Variants in RBP4 observed in about 807,000 individuals in gnomAD.
RBP4 encodes the protein retinol binding protein 4, also known as retinol-binding protein 4.
Under a neutral mutation model 26.2 loss-of-function variants are expected in RBP4, and 9 were observed. The observed-to-expected ratio is 0.34, with a 90% CI of 0.21 to 0.60. The LOEUF is 0.60. Ranked by LOEUF, RBP4 falls within the 20% of genes least tolerant of loss-of-function variation. RBP4 has a pLI of 0.80. For missense variants in RBP4, 244 were observed against 271.3 expected, an observed-to-expected ratio of 0.90 and a Z score of 0.71; for synonymous variants, 114 against 111.0, an observed-to-expected ratio of 1.03 and a Z score of -0.17.
chr10:93,594,105 C>T (rs1359977424), intron 4 of RBP4, 70 bp from the exon 5 acceptor site: 109 of 1,446,660 alleles, frequency 7.5e-5, no homozygotes, highest in South Asian at 5.8e-4. Context: ...GAGAAACTCA[C>T]GACCAGGCCT....
intron 4 of RBP4, among the ~76,000 whole-genome samples, chr10:93,596,593 A>G (rs766312976): frequency 3.9e-5 from 6 of 152,208 alleles, no homozygotes; most frequent in African/African-American, 1.4e-4. Context: ...CGTTGGAGGC[A>G]GTGGCTGTGT....
chr10:93,596,935 CT>C (rs2058306550), intron 4 of RBP4, among the ~76,000 whole-genome samples: 1 of 152,204 alleles, frequency 6.6e-6, no homozygotes, highest in Non-Finnish European at 1.5e-5. Flanking sequence ...AATGCTATTT[CT>C]GATGCATTGT....
chr10:93,601,412 C>T, upstream of RBP4: 4 of 1,272,810 alleles, frequency 3.1e-6, no homozygotes, highest in Non-Finnish European at 4.0e-6. Flanking sequence ...ACCTCCAGGA[C>T]AGCCTCGGGC....
intron 4 of RBP4, among the ~76,000 whole-genome samples, chr10:93,597,722 G>A (rs953799009): frequency 6.6e-6 from 1 of 152,200 alleles, no homozygotes; most frequent in African/African-American, 2.4e-5. Flanking sequence ...CAAATTTCAT[G>A]ATCGCTTGGC....
chr10:93,591,854 T>C lies in RBP4; in HGVS notation c.*221A>G. The C allele has an allele frequency of 1.7e-6, 1 of 579,556 alleles. No homozygotes were observed. Among genetic ancestry groups the C allele is most frequent in the Non-Finnish European group, 3.1e-6 (1 of 326,142 alleles). The allele number at this position is 579,556 out of a possible 1,614,324, so 35.9% of individuals were successfully genotyped here. A position where few individuals can be genotyped will look rare whatever the true frequency, so the allele number is the denominator to read the frequency against. ...ACTAAAATCACAGGACACGGGTGACTATAGTTTAATGAATCAGAGTCTGGA... is the reference window on the plus strand; with the variant it reads ...ACTAAAATCACAGGACACGGGTGACCATAGTTTAATGAATCAGAGTCTGGA... On this transcript the variant is annotated 3_prime_UTR_variant, in exon 6 of 6. Coordinates refer to ENST00000371464, the MANE Select transcript of RBP4 (RefSeq NM_006744.4).
upstream of RBP4, chr10:93,601,288 G>T (rs983259135): frequency 8.2e-7 from 1 of 1,216,114 alleles, no homozygotes; most frequent in Non-Finnish European, 1.0e-6. Context: ...AGGGGGTCGC[G>T]CTTTCGTAAC....
chr10:93,593,426 T>C (rs1404019023), intron 5 of RBP4, among the ~76,000 whole-genome samples: 1 of 151,718 alleles, frequency 6.6e-6, no homozygotes, highest in Non-Finnish European at 1.5e-5. Flanking sequence ...CCCTGTGGAG[T>C]TTTTACGTCA....
chr10:93,600,153 C>T (rs2058327198), intron 4 of RBP4, among the ~76,000 whole-genome samples: 1 of 152,194 alleles, frequency 6.6e-6, no homozygotes, highest in Non-Finnish European at 1.5e-5. Context: ...TGACACCTGA[C>T]AAACCGAAAG....
rs150540008 is a variant in RBP4, at chr10:93,593,863, C to A, written c.528G>T (p.Glu176Asp). The A allele has an allele frequency of 3.7e-4, 601 of 1,612,592 alleles. 2 individuals are homozygous for A. Among genetic ancestry groups the A allele is most frequent in the Admixed American group, 6.2e-4 (37 of 60,004 alleles). Residue 176 changes from glutamate to aspartate, a missense_variant, in exon 5 of 6, where the codon GAG (glutamate) becomes GAT (aspartate). By Grantham distance (45) the Glu-to-Asp change is conservative. Transcript: ENST00000371464. ...GCCTGTACTGCCTGGCCAGGCACAG[C>A]TCCTCCTGCCGCTGCCTTACAATCT... ...AQKIVRQRQEELCLARQYRLI... is the reference protein window; with the variant it reads ...AQKIVRQRQEDLCLARQYRLI...
chr10:93,596,860 A>G (rs1474241425), intron 4 of RBP4, among the ~76,000 whole-genome samples: 2 of 152,222 alleles, frequency 1.3e-5, no homozygotes, highest in African/African-American at 4.8e-5. Context: ...CAGCAAGACC[A>G]GGTGGGAAGC....
At chr10:93,597,290 G>A (rs1004558506) in intron 4 of RBP4, among the ~76,000 whole-genome samples, 1 of 152,206 alleles carries the variant, frequency 6.6e-6, no homozygotes, top group African/African-American at 2.4e-5. Flanking sequence ...TTTACTAGCA[G>A]AGTGACAGAC....
At chr10:93,593,100 G>A (rs761747963) in intron 5 of RBP4, among the ~76,000 whole-genome samples, 1 of 152,128 alleles carries the variant, frequency 6.6e-6, no homozygotes, top group Non-Finnish European at 1.5e-5. Flanking sequence ...TTTCAGGTGT[G>A]AGCCACCATG....
Position 93,596,646 on chromosome 10 carries a change from G to C in RBP4, c.356-2611C>G, listed in dbSNP as rs139153768. ...TCCCCTCTACCATCCTAGGAAGTGG[G>C]GTCATGCTGCAGCTGTGTGTATACT... On this transcript the variant is annotated intron_variant, in intron 4 of 5. Transcript: ENST00000371464. Among the ~76,000 whole-genome samples, 705 of 152,280 alleles carry C rather than the reference G, an allele frequency of 4.6e-3. 6 individuals are homozygous for C. The highest frequency in any genetic ancestry group is 0.016 in the African/African-American group (683 of 41,560).
chr10:93,601,114 C>T, intron 1 of RBP4, 57 bp downstream of exon 1: 1 of 1,527,578 alleles, frequency 6.5e-7, no homozygotes, highest in South Asian at 1.2e-5. Context: ...CCTCACCCCA[C>T]CCCACCCCAC....
upstream of RBP4, chr10:93,601,489 C>G (rs2058339397): frequency 1.2e-6 from 1 of 810,258 alleles, no homozygotes; most frequent in Admixed American, 3.0e-5. Context: ...GGCTCAGTTA[C>G]CCTGCACTCG....
At position 93,601,177 on chromosome 10, in the gene RBP4, G is replaced by T. The variant is rs907456600; in HGVS notation, c.-25C>A. The T allele has an allele frequency of 7.1e-7, 1 of 1,399,230 alleles. No individual in the cohort carries two copies. Among genetic ancestry groups the T allele is most frequent in the African/African-American group, 1.5e-5 (1 of 64,722 alleles). The allele number at this position is 1,399,230 out of a possible 1,614,324, so 86.7% of individuals were successfully genotyped here. On this transcript the variant is annotated 5_prime_UTR_variant, in exon 1 of 6. Coordinates refer to ENST00000371464, the MANE Select transcript of RBP4 (RefSeq NM_006744.4). ...GGCCCCGGCCGCGACTCACCACCGG[G>T]AGGGGAACCGCGCGCAAGCCTGGCC...
chr10:93,601,578 G>A, upstream of RBP4: 3 of 690,620 alleles, frequency 4.3e-6, no homozygotes, highest in Middle Eastern at 3.2e-4. Context: ...CAACCTGGCG[G>A]GAAGACCGTG....
intron 5 of RBP4, 98 bp downstream of exon 5, chr10:93,593,725 G>A: frequency 7.3e-7 from 1 of 1,370,028 alleles, no homozygotes; most frequent in Non-Finnish European, 1.0e-6. Context: ...TGTTTTCTCT[G>A]GGGTACGGAC....
intron 4 of RBP4, among the ~76,000 whole-genome samples, chr10:93,595,035 C>T (rs66697381): frequency 0.18 from 27,331 of 151,842 alleles, 2,586 homozygotes; most frequent in South Asian, 0.34. Flanking sequence ...CCACTACTTG[C>T]GGCTGAGGCG....
Sources: allele counts gnomAD v4.1 joint callset (sites outside exome capture counted in the v4.1 genomes callset), GRCh38; gene constraint gnomAD v4.1.1; transcripts MANE v1.5; gene names NCBI Gene and HGNC (gene_info 2026-07-23, HGNC 2026-07-21).